ASIC2: variants seen among roughly 807,000 people sequenced by gnomAD.
ASIC2 encodes the protein acid-sensing ion channel 2.
Under a neutral mutation model 57.3 loss-of-function variants are expected in ASIC2, and 25 were observed. That is an observed-to-expected ratio of 0.44 (90% CI 0.32 to 0.61). The LOEUF is 0.61. Among genes scored for constraint, ASIC2 ranks in the 20% least tolerant of loss-of-function variants. The pLI is 0.06. For synonymous variants in ASIC2, 319 were observed against 307.5 expected (o/e 1.04, Z -0.39); for missense variants, 641 against 738.1 (o/e 0.87, Z 1.52).
At chr17:33,306,644 A>G (rs1176121044) in intron 1 of ASIC2, among the ~76,000 whole-genome samples, 2 of 152,042 alleles carry the variant, frequency 1.3e-5, no homozygotes, top group African/African-American at 2.4e-5. Flanking sequence ...CATCGCTACT[A>G]CCTTGGTTCA....
At chr17:33,181,866 G>A (rs762565123) in intron 1 of ASIC2, among the ~76,000 whole-genome samples, 1 of 152,296 alleles carries the variant, frequency 6.6e-6, no homozygotes, top group East Asian at 1.9e-4. Context: ...CCTGCTTGAC[G>A]AAGGGCAAGG....
At chr17:33,086,844 C>T (rs1049281379) in intron 3 of ASIC2, among the ~76,000 whole-genome samples, 3 of 152,102 alleles carry the variant, frequency 2.0e-5, no homozygotes, top group African/African-American at 7.2e-5. Context: ...GTTAGCAAAC[C>T]CAGATGCTTT....
At chr17:33,537,261 G>T (rs749426644) in intron 1 of ASIC2, among the ~76,000 whole-genome samples, 2 of 152,084 alleles carry the variant, frequency 1.3e-5, no homozygotes, top group Admixed American at 1.3e-4. Context: ...CTCTGTGTTT[G>T]CTGATCCCTT....
intron 1 of ASIC2, among the ~76,000 whole-genome samples, chr17:33,207,549 T>C (rs1907111091): frequency 6.6e-6 from 1 of 152,200 alleles, no homozygotes; most frequent in African/African-American, 2.4e-5. Flanking sequence ...CAGACCATCT[T>C]CATCTATGTA....
chr17:33,415,859 A>G (rs1229436890), intron 1 of ASIC2, among the ~76,000 whole-genome samples: 8 of 152,216 alleles, frequency 5.3e-5, no homozygotes, highest in Non-Finnish European at 7.3e-5. Flanking sequence ...AAAACCCAGG[A>G]TACTTGAGGA....
chr17:33,046,528 G>A (rs1223905604), intron 3 of ASIC2, among the ~76,000 whole-genome samples: 1 of 152,128 alleles, frequency 6.6e-6, no homozygotes, highest in Admixed American at 6.5e-5. Context: ...CTGGGTGTGT[G>A]TGTGTGGGGA....
At chr17:33,479,109 C>T (rs1157069179) in intron 1 of ASIC2, among the ~76,000 whole-genome samples, 2 of 152,158 alleles carry the variant, frequency 1.3e-5, no homozygotes, top group East Asian at 1.9e-4. Flanking sequence ...AGCGATTCTC[C>T]TGCCTCAGCC....
chr17:33,495,556 G>A (rs926554133), intron 1 of ASIC2, among the ~76,000 whole-genome samples: 17 of 152,258 alleles, frequency 1.1e-4, no homozygotes, highest in Non-Finnish European at 1.5e-4. Flanking sequence ...TTGATCTTGC[G>A]TGCCTGTTTC....
At chr17:33,282,106 T>C (rs893317796) in intron 1 of ASIC2, among the ~76,000 whole-genome samples, 6 of 152,274 alleles carry the variant, frequency 3.9e-5, no homozygotes, top group South Asian at 2.1e-4. Flanking sequence ...CGTTCACTAA[T>C]GTGGATTCAG....
intron 1 of ASIC2, among the ~76,000 whole-genome samples, chr17:34,149,637 G>A (rs1325495509): frequency 6.6e-6 from 1 of 152,196 alleles, no homozygotes; most frequent in Non-Finnish European, 1.5e-5. Flanking sequence ...CAGGCCTTAT[G>A]AGGAGGGGAG....
chr17:33,089,326 T>C (rs1190961181), intron 2 of ASIC2, among the ~76,000 whole-genome samples: 1 of 152,126 alleles, frequency 6.6e-6, no homozygotes, highest in African/African-American at 2.4e-5. Flanking sequence ...GCTTCTAGCT[T>C]TGAAGACAGA....
At chr17:33,406,191 T>C (rs1309370553) in intron 1 of ASIC2, among the ~76,000 whole-genome samples, 1 of 152,150 alleles carries the variant, frequency 6.6e-6, no homozygotes, top group Non-Finnish European at 1.5e-5. Flanking sequence ...GTGAGTATAA[T>C]TGATATAGGT....
chr17:33,457,202 A>G (rs1459764648), intron 1 of ASIC2, among the ~76,000 whole-genome samples: 1 of 151,594 alleles, frequency 6.6e-6, no homozygotes, highest in East Asian at 1.9e-4. Flanking sequence ...TGTTCAATAA[A>G]TGTTACTTTC....
chr17:33,026,130 G>T (rs577809708), intron 4 of ASIC2, 148 bp from the exon 5 acceptor site: 14 of 755,808 alleles, frequency 1.9e-5, no homozygotes, highest in Admixed American at 8.0e-5. Flanking sequence ...GGGAGCCTTG[G>T]ATCACAGTGC....
intron 1 of ASIC2, among the ~76,000 whole-genome samples, chr17:33,321,620 C>T (rs746723277): frequency 5.9e-5 from 9 of 152,074 alleles, no homozygotes; most frequent in Non-Finnish European, 1.2e-4. Flanking sequence ...TTGCTTCTTC[C>T]TAGAGGGAAC....
intron 1 of ASIC2, among the ~76,000 whole-genome samples, chr17:33,566,594 C>T (rs1916240623): frequency 6.6e-6 from 1 of 152,114 alleles, no homozygotes; most frequent in Admixed American, 6.5e-5. Context: ...GCTGGATGTG[C>T]TATAGTATAT....
In ASIC2 at chr17:33,996,393, G is replaced by C. The variant is rs79449423; in HGVS notation, c.555+159585C>G. ...GTCTAGTTTTGCTTTTGTTACCTTT[G>C]CTTTTGGGGTCATAGCCAAAAAAGT... On this transcript the variant is annotated intron_variant, in intron 1 of 9. Coordinates refer to the ASIC2 transcript ENST00000359872. Among the ~76,000 whole-genome samples the C allele has an allele frequency of 5.3e-5, 8 of 152,108 alleles. No individual in the cohort carries two copies. The East Asian group carries it at 7.7e-4, about 15-fold the overall frequency.
intron 3 of ASIC2, among the ~76,000 whole-genome samples, chr17:33,036,406 T>G (rs2091908717): frequency 2.0e-5 from 3 of 152,090 alleles, no homozygotes; most frequent in Admixed American, 2.0e-4. Flanking sequence ...AAACCCTCCA[T>G]GGAGCACTTT....
chr17:33,645,722 C>A (rs531969612), intron 1 of ASIC2, among the ~76,000 whole-genome samples: 8 of 152,220 alleles, frequency 5.3e-5, no homozygotes, highest in African/African-American at 1.9e-4. Flanking sequence ...AGTCAGTCCA[C>A]AAGTGCTATT....
Sources: gnomAD v4.1 joint callset for allele counts (sites outside exome capture counted in the v4.1 genomes callset) on GRCh38, gnomAD v4.1.1 for gene constraint, MANE v1.5 for transcripts, NCBI Gene and HGNC (gene_info 2026-07-23, HGNC 2026-07-21) for gene names.